Variants in EIF4E3 observed in about 807,000 individuals in gnomAD.
EIF4E3 encodes eukaryotic translation initiation factor 4E type 3.
In EIF4E3, 26 loss-of-function variants were observed where a neutral mutation model predicts 31.7. That is an observed-to-expected ratio of 0.82 (90% CI 0.60 to 1.14). EIF4E3 has a LOEUF of 1.14. EIF4E3 is among the 50% of genes most tolerant of loss of function. The pLI, the probability that EIF4E3 is intolerant of heterozygous loss-of-function variation, is 0.00. For missense variants in EIF4E3, 304 were observed against 270.9 expected (o/e 1.12, Z -0.86); for synonymous variants, 128 against 107.7 (o/e 1.19, Z -1.17).
At position 71,683,309 on chromosome 3, in the gene EIF4E3, G is replaced by A. The variant is rs1489055316; in HGVS notation, c.*1373C>T. On this transcript the variant is annotated 3_prime_UTR_variant, in exon 7 of 7. Coordinates refer to ENST00000425534, the MANE Select transcript of EIF4E3 (RefSeq NM_001134651.2). ...ACTGCAAGAGGAATTAAAAATCCCA[G>A]GTACAGTGAAGTTCTGAGTGCACTG... 1 of 152,186 alleles carries A rather than the reference G, an allele frequency of 6.6e-6. No individual in the cohort carries two copies. The highest frequency in any genetic ancestry group is 1.5e-5 in the Non-Finnish European group (1 of 68,040). 9.4% of individuals were successfully genotyped at this position (152,186 alleles called of 1,614,324 possible).
chr3:71,747,012 T>G, intron 1 of EIF4E3, among the ~76,000 whole-genome samples: 1 of 152,242 alleles, frequency 6.6e-6, no homozygotes, highest in East Asian at 1.9e-4. Flanking sequence ...ATATGACATT[T>G]TATTTATCCA....
intron 2 of EIF4E3, among the ~76,000 whole-genome samples, chr3:71,700,150 G>C (rs1480478808): frequency 6.6e-6 from 1 of 152,034 alleles, no homozygotes; most frequent in Admixed American, 6.6e-5. Flanking sequence ...ATTCCAACTT[G>C]GGCAACAGGA....
chr3:71,685,850 G>A (rs1027249202), intron 6 of EIF4E3, among the ~76,000 whole-genome samples: 1 of 152,232 alleles, frequency 6.6e-6, no homozygotes, highest in Non-Finnish European at 1.5e-5. Flanking sequence ...TCTGATAAAG[G>A]TGGGGTGATT....
At chr3:71,753,247 C>A (rs2049953152) in intron 1 of EIF4E3, among the ~76,000 whole-genome samples, 1 of 152,212 alleles carries the variant, frequency 6.6e-6, no homozygotes, top group Non-Finnish European at 1.5e-5. Context: ...AGCTCCCCAG[C>A]ACACTGCCAC....
At chr3:71,667,316 GA>G in the EIF4E3 span, among the ~76,000 whole-genome samples, 1 of 152,208 alleles carries the variant, frequency 6.6e-6, no homozygotes, top group Non-Finnish European at 1.5e-5. Flanking sequence ...GCAAAAGCTG[GA>G]AGCATTCCCA....
chr3:71,691,268 A>G (rs1303352236), intron 5 of EIF4E3, among the ~76,000 whole-genome samples: 1 of 152,200 alleles, frequency 6.6e-6, no homozygotes, highest in African/African-American at 2.4e-5. Flanking sequence ...TCATGCCATC[A>G]GTTTTTCCAA....
the EIF4E3 span, among the ~76,000 whole-genome samples, chr3:71,661,383 A>G: frequency 1.3e-5 from 2 of 152,150 alleles, no homozygotes; most frequent in African/African-American, 4.8e-5. Context: ...GTTTATTATC[A>G]TCCAAAGTGT....
upstream of EIF4E3, chr3:71,729,300 G>A (rs2049677316): frequency 6.6e-6 from 1 of 152,226 alleles, no homozygotes; most frequent in South Asian, 2.1e-4. Context: ...TGAGGAACCT[G>A]AGGTTCAGGG....
chr3:71,725,436 GGC>G (rs1491300291), upstream of EIF4E3: 1 of 869,420 alleles, frequency 1.2e-6, no homozygotes, highest in Non-Finnish European at 1.4e-6. The surrounding 1 kb of genome is among the most constrained non-coding windows in gnomAD (Gnocchi z 6.1). Context: ...AGTCACCCCC[GGC>G]CCCCGCCCCG....
At chr3:71,741,943 C>T (rs968624399) in intron 1 of EIF4E3, among the ~76,000 whole-genome samples, 4 of 152,102 alleles carry the variant, frequency 2.6e-5, no homozygotes, top group Non-Finnish European at 4.4e-5. Flanking sequence ...ATCAAAAGGA[C>T]ATTAGGAAGT....
rs373351078 is a variant in EIF4E3 at position 71,708,021 on chromosome 3, C to T, written c.249+2391G>A. On this transcript the variant is annotated intron_variant, in intron 2 of 6. Coordinates refer to ENST00000425534, the MANE Select transcript of EIF4E3 (RefSeq NM_001134651.2). ...CTGCCTCAGCCTCCCCAGTAAGTGC[C>T]CACCACCACTCCAGGCTAATTTTTG... Among the ~76,000 whole-genome samples the T allele has an allele frequency of 3.9e-5, 6 of 151,902 alleles. No homozygotes were observed. In the East Asian group the frequency reaches 1.2e-3, roughly 29 times the overall value.
intron 1 of EIF4E3, among the ~76,000 whole-genome samples, chr3:71,719,314 G>A (rs2049510498): frequency 6.6e-6 from 1 of 152,182 alleles, no homozygotes; most frequent in African/African-American, 2.4e-5. Flanking sequence ...TAACTCTCAA[G>A]TTTGGATTTC....
chr3:71,739,363 A>G (rs1173322712), intron 1 of EIF4E3, among the ~76,000 whole-genome samples: 1 of 152,194 alleles, frequency 6.6e-6, no homozygotes, highest in African/African-American at 2.4e-5. Context: ...CAGATATGCA[A>G]GAGCTGAAAG....
intron 4 of EIF4E3, among the ~76,000 whole-genome samples, chr3:71,696,070 C>T (rs974415226): frequency 5.4e-5 from 8 of 147,538 alleles, no homozygotes; most frequent in Admixed American, 4.7e-4. Context: ...TGCTTTTGTT[C>T]CCCCTGTAGA....
intron 2 of EIF4E3, among the ~76,000 whole-genome samples, chr3:71,702,445 TACTTGAAGCAC>T: frequency 6.6e-6 from 1 of 152,214 alleles, no homozygotes; most frequent in Non-Finnish European, 1.5e-5. Context: ...TTTAACCTAG[TACTTGAAGCAC>T]ACTGAAAAAA....
intron 6 of EIF4E3, among the ~76,000 whole-genome samples, chr3:71,688,526 C>T (rs2049021702): frequency 6.6e-6 from 1 of 152,142 alleles, no homozygotes; most frequent in South Asian, 2.1e-4. Context: ...GGACAAAAAC[C>T]TAAAGTGCCT....
Position 71,675,660 on chromosome 3 carries a change from C to G in EIF4E3, c.*9022G>C, listed in dbSNP as rs552009936. ...CACCAACTACTTGTGTGACCTTGAA[C>G]GAATTCTTTATACTTTCTGGGTCAT... On this transcript the variant is annotated 3_prime_UTR_variant, in exon 7 of 7. Coordinates refer to ENST00000425534, the MANE Select transcript of EIF4E3 (RefSeq NM_001134651.2). 2.0e-5 allele frequency: 3 copies of G among 152,306 alleles called. No individual in the cohort carries two copies. The East Asian group carries it at 5.8e-4, about 29-fold the overall frequency. 9.4% of individuals were successfully genotyped at this position (152,306 alleles called of 1,614,324 possible).
chr3:71,753,507 G>C (rs1288334828), exon 1 of EIF4E3: 1 of 151,540 alleles, frequency 6.6e-6, no homozygotes, highest in African/African-American at 2.4e-5. Flanking sequence ...CCTGGGCCCT[G>C]CCTCCCTCCC....
At chr3:71,718,698 G>A (rs1462847685) in intron 1 of EIF4E3, among the ~76,000 whole-genome samples, 1 of 152,196 alleles carries the variant, frequency 6.6e-6, no homozygotes, top group Non-Finnish European at 1.5e-5. Flanking sequence ...CTAGTGCCAG[G>A]TAAGGACCAG....
Sources: gnomAD v4.1 joint callset for allele counts (sites outside exome capture counted in the v4.1 genomes callset) on GRCh38, gnomAD v4.1.1 for gene constraint, Gnocchi (gnomAD v3.1) non-coding constraint, MANE v1.5 for transcripts, NCBI Gene and HGNC (gene_info 2026-07-23, HGNC 2026-07-21) for gene names.